The following HS6ST2 variants were observed in gnomAD, a reference collection of about 807,000 sequenced individuals.
HS6ST2 encodes the protein heparan sulfate 6-O-sulfotransferase 2, also known as heparan-sulfate 6-O-sulfotransferase 2.
In HS6ST2, 17 loss-of-function variants were observed where a neutral mutation model predicts 33.0. That is an observed-to-expected ratio of 0.52 (90% CI 0.35 to 0.77). The LOEUF is 0.77. Among genes scored for constraint, HS6ST2 ranks in the 30% least tolerant of loss-of-function variants. The probability of loss-of-function intolerance (pLI) is 0.01; values close to 1 mark genes in which losing one functional copy is unlikely to be tolerated. For missense variants in HS6ST2, 519 were observed against 551.7 expected (o/e 0.94, Z 0.59); for synonymous variants, 248 against 237.1 (o/e 1.05, Z -0.42).
At chrX:132,846,159 G>A (rs1482872423) in intron 2 of HS6ST2, among the ~76,000 whole-genome samples, 1 of 112,212 alleles carries the variant, frequency 8.9e-6, no homozygotes, top group East Asian at 2.8e-4. Flanking sequence ...CATTTAACCA[G>A]GTAAAAACCA....
chrX:132,642,858 G>A (rs1438102104), intron 4 of HS6ST2, among the ~76,000 whole-genome samples: 2 of 112,366 alleles, frequency 1.8e-5, no homozygotes, highest in African/African-American at 3.2e-5. Flanking sequence ...TAAGTTTCGT[G>A]CATCAGAGGT....
intron 2 of HS6ST2, among the ~76,000 whole-genome samples, chrX:132,871,426 C>A (rs2066055714): frequency 1.8e-5 from 2 of 112,068 alleles, no homozygotes; most frequent in Non-Finnish European, 3.8e-5. Flanking sequence ...AATCCCATTA[C>A]TGGGTATATA....
chrX:132,932,037 T>C (rs1411878924), intron 2 of HS6ST2, among the ~76,000 whole-genome samples: 1 of 108,990 alleles, frequency 9.2e-6, no homozygotes, highest in Non-Finnish European at 1.9e-5. Context: ...ATACAAAAAA[T>C]TAGCCGGGCG....
At chrX:132,868,179 G>A (rs1175513568) in intron 2 of HS6ST2, among the ~76,000 whole-genome samples, 2 of 111,701 alleles carry the variant, frequency 1.8e-5, no homozygotes, top group Non-Finnish European at 3.8e-5. Context: ...AGATCAAAAA[G>A]ACAAAGAAGG....
At chrX:132,762,261 G>A (rs2064809872) in intron 2 of HS6ST2, among the ~76,000 whole-genome samples, 1 of 111,067 alleles carries the variant, frequency 9.0e-6, no homozygotes, top group Non-Finnish European at 1.9e-5. Flanking sequence ...TTGAGGGCAG[G>A]AGCCATGTTT....
intron 2 of HS6ST2, among the ~76,000 whole-genome samples, chrX:132,882,332 G>T (rs1419102948): frequency 9.1e-6 from 1 of 109,957 alleles, no homozygotes; most frequent in East Asian, 2.8e-4. Flanking sequence ...CCTTGAAGAG[G>T]TCCTTCACAT....
At chrX:132,958,100 G>T in intron 1 of HS6ST2, 75 bp downstream of exon 1, 4 of 976,372 alleles carry the variant, frequency 4.1e-6, no homozygotes, top group Non-Finnish European at 5.3e-6. Flanking sequence ...ACCCCCCGCG[G>T]CTGCCTTCCC....
intron 2 of HS6ST2, among the ~76,000 whole-genome samples, chrX:132,730,813 C>T (rs1183540244): frequency 8.9e-6 from 1 of 112,301 alleles, no homozygotes; most frequent in Non-Finnish European, 1.9e-5. Flanking sequence ...ATTGCCCATT[C>T]GTCTTCCAGA....
intron 2 of HS6ST2, among the ~76,000 whole-genome samples, chrX:132,939,236 A>T (rs779040779): frequency 1.8e-4 from 20 of 111,671 alleles, no homozygotes; most frequent in Non-Finnish European, 3.2e-4. Flanking sequence ...TCCAAACTCT[A>T]TCATTTGTAT....
At chrX:132,710,322 A>T (rs757490597) in intron 2 of HS6ST2, among the ~76,000 whole-genome samples, 6 of 112,215 alleles carry the variant, frequency 5.3e-5, no homozygotes, top group Admixed American at 9.4e-5. Flanking sequence ...CATTTTATGC[A>T]TACACACACA....
chrX:132,943,870 C>G (rs1319075384), intron 2 of HS6ST2, among the ~76,000 whole-genome samples: 2 of 110,861 alleles, frequency 1.8e-5, no homozygotes, highest in South Asian at 3.8e-4. Flanking sequence ...AAAATAATAA[C>G]AGCTATTTAT....
intron 2 of HS6ST2, among the ~76,000 whole-genome samples, chrX:132,857,290 C>A (rs932837317): frequency 9.0e-6 from 1 of 111,116 alleles, no homozygotes; most frequent in African/African-American, 3.3e-5. Flanking sequence ...TCGAGATCAA[C>A]CTGACCAACA....
At chrX:132,750,347 G>GAA (rs1156312851) in intron 2 of HS6ST2, among the ~76,000 whole-genome samples, 20,604 of 56,166 alleles carry the variant, frequency 0.37, 2,773 homozygotes, top group Non-Finnish European at 0.44. Context: ...TGCCCATCAA[G>GAA]AAAAAAAAAA....
chrX:132,628,893 T>C lies in HS6ST2; in HGVS notation c.1268A>G (p.Tyr423Cys). 1.7e-6 allele frequency: 2 copies of C among 1,211,549 alleles called. No homozygotes were observed. The highest frequency in any genetic ancestry group is 1.1e-6 in the Non-Finnish European group (1 of 895,403). ...CPLKEFMDCP[Y>C]NLANNRQVRM... Reference sequence around the variant, plus strand: ...CACCTGGCGGTTGTTGGCTAGATTGTAGGGACAGTCCATAAACTCTTTGAG... The same window carrying C: ...CACCTGGCGGTTGTTGGCTAGATTGCAGGGACAGTCCATAAACTCTTTGAG... Residue 423 changes from tyrosine (Y) to cysteine (C), a missense_variant, in exon 5 of 5, where the codon TAC (tyrosine) becomes TGC (cysteine). Transcript: ENST00000370833.
At chrX:132,720,950 A>C (rs1385409793) in intron 2 of HS6ST2, among the ~76,000 whole-genome samples, 1 of 111,739 alleles carries the variant, frequency 8.9e-6, no homozygotes, top group African/African-American at 3.3e-5. Flanking sequence ...ATTAGAGTGA[A>C]AGAGAGAGAT....
At chrX:132,825,779 C>T (rs2065511916) in intron 2 of HS6ST2, among the ~76,000 whole-genome samples, 1 of 111,554 alleles carries the variant, frequency 9.0e-6, no homozygotes, top group African/African-American at 3.3e-5. Context: ...TCTATATAGT[C>T]CAACTCTCTT....
At chrX:132,911,939 A>G (rs766376229) in intron 2 of HS6ST2, among the ~76,000 whole-genome samples, 29 of 111,000 alleles carry the variant, frequency 2.6e-4, no homozygotes, top group Non-Finnish European at 5.3e-4. Flanking sequence ...ACCTGGCCTC[A>G]TGAGCACACA....
intron 2 of HS6ST2, among the ~76,000 whole-genome samples, chrX:132,860,182 T>C (rs2065897754): frequency 8.9e-6 from 1 of 112,426 alleles, no homozygotes; most frequent in Non-Finnish European, 1.9e-5. Context: ...CTGCAAAATC[T>C]GGCTTGAATG....
intron 4 of HS6ST2, among the ~76,000 whole-genome samples, chrX:132,644,825 G>A (rs1389504858): frequency 1.8e-5 from 2 of 110,951 alleles, no homozygotes; most frequent in African/African-American, 3.3e-5. Flanking sequence ...GCCCTGAAAC[G>A]AGTCCCAAAG....
Sources: allele counts gnomAD v4.1 joint callset (sites outside exome capture counted in the v4.1 genomes callset), GRCh38; gene constraint gnomAD v4.1.1; transcripts MANE v1.5; gene names NCBI Gene and HGNC (gene_info 2026-07-23, HGNC 2026-07-21).